Variants in BMP7 observed in about 807,000 individuals in gnomAD.
The protein encoded by BMP7 is osteogenic protein 1.
A neutral mutation model predicts 41.2 loss-of-function variants in BMP7; 12 were observed. The ratio of observed to expected loss-of-function variants is 0.29; its 90% CI spans 0.19 to 0.47. BMP7 has a LOEUF of 0.47. BMP7 is among the 20% of genes least tolerant of loss of function. The pLI is 0.99. For synonymous variants in BMP7, 248 were observed against 250.0 expected (o/e 0.99, Z 0.07); for missense variants, 467 against 606.0 (o/e 0.77, Z 2.41).
At position 57,240,347 on chromosome 20, in the gene BMP7, T is replaced by C. The variant is rs2066064040; in HGVS notation, c.419-11926A>G. 3.3e-5 allele frequency among the ~76,000 whole-genome samples: 5 copies of C among 152,354 alleles called. No homozygotes were observed. In the South Asian group the frequency reaches 1.0e-3, roughly 32 times the overall value. On this transcript the variant is annotated intron_variant, in intron 1 of 6. Transcript: ENST00000395863. Reference sequence around the variant, plus strand: ...TTTGCTCCAGTTCCCAACAAGTTCCTTATCTCTATCTGAGACCACTTCAGC... The same window carrying C: ...TTTGCTCCAGTTCCCAACAAGTTCCCTATCTCTATCTGAGACCACTTCAGC...
intron 2 of BMP7, among the ~76,000 whole-genome samples, chr20:57,210,148 C>G (rs1267043655): frequency 6.6e-6 from 1 of 152,190 alleles, no homozygotes; most frequent in Non-Finnish European, 1.5e-5. Context: ...TGGGTTCTCC[C>G]ATAGCCCTGC....
At chr20:57,221,064 C>G (rs1302896730) in intron 2 of BMP7, among the ~76,000 whole-genome samples, 1 of 152,140 alleles carries the variant, frequency 6.6e-6, no homozygotes, top group African/African-American at 2.4e-5. Flanking sequence ...TTACTGAGCA[C>G]CTACTATGTG....
At chr20:57,234,737 C>T (rs193137143) in intron 1 of BMP7, among the ~76,000 whole-genome samples, 3 of 152,350 alleles carry the variant, frequency 2.0e-5, no homozygotes, top group Admixed American at 2.0e-4. Flanking sequence ...TAAGGCATCC[C>T]CCTTGACTGA....
intron 2 of BMP7, among the ~76,000 whole-genome samples, chr20:57,209,249 TTATATATATATATATA>T (rs57062226): frequency 0.016 from 1,505 of 94,866 alleles, 55 homozygotes; most frequent in African/African-American, 0.049. Flanking sequence ...TTATATATTT[TTATATATATATATATA>T]TATATATATA....
intron 1 of BMP7, among the ~76,000 whole-genome samples, chr20:57,262,483 C>T (rs1237058805): frequency 1.3e-5 from 2 of 152,200 alleles, no homozygotes; most frequent in African/African-American, 2.4e-5. Context: ...CCTCTAGTTT[C>T]CCCTCTAGTT....
At chr20:57,200,869 A>G (rs1312938552) in intron 3 of BMP7, among the ~76,000 whole-genome samples, 1 of 152,202 alleles carries the variant, frequency 6.6e-6, no homozygotes, top group African/African-American at 2.4e-5. Context: ...AAAACGACCT[A>G]CACACCAAGG....
At chr20:57,227,909 G>T (rs2066013628) in intron 2 of BMP7, among the ~76,000 whole-genome samples, 1 of 152,034 alleles carries the variant, frequency 6.6e-6, no homozygotes, top group Admixed American at 6.5e-5. Context: ...CGGGAGAGAG[G>T]TAGCCCTTCA....
chr20:57,186,326 CAG>C lies in BMP7; in HGVS notation c.761-2409_761-2408del, dbSNP rs140020210. ...CAACAGGGTATGGGGTCCCGGAAAA[CAG>C]GGGAGGAAAATAGAGGGAGCAAACT... On this transcript the variant is annotated intron_variant, in intron 3 of 6. Transcript: ENST00000395863. Among the ~76,000 whole-genome samples, 1,385 of 152,256 alleles carry C rather than the reference CAG, an allele frequency of 9.1e-3. 22 individuals carry two copies. The highest frequency in any genetic ancestry group is 0.032 in the African/African-American group (1,316 of 41,534).
At chr20:57,192,268 G>T in intron 3 of BMP7, among the ~76,000 whole-genome samples, 1 of 126,590 alleles carries the variant, frequency 7.9e-6, no homozygotes, top group African/African-American at 3.1e-5. Context: ...AGTATATATA[G>T]TATATATACT....
At chr20:57,260,547 A>G (rs1417095948) in intron 1 of BMP7, among the ~76,000 whole-genome samples, 2 of 152,350 alleles carry the variant, frequency 1.3e-5, no homozygotes, top group East Asian at 3.9e-4. Flanking sequence ...TCCTCACCCC[A>G]TGAAGGCGAG....
chr20:57,260,847 C>A (rs554713941), intron 1 of BMP7, among the ~76,000 whole-genome samples: 1 of 152,184 alleles, frequency 6.6e-6, no homozygotes, highest in Non-Finnish European at 1.5e-5. Context: ...GCCAACAGCC[C>A]CCCCGCTAAG....
At chr20:57,263,837 G>A (rs971839120) in intron 1 of BMP7, among the ~76,000 whole-genome samples, 2 of 152,258 alleles carry the variant, frequency 1.3e-5, no homozygotes, top group Non-Finnish European at 2.9e-5. Context: ...CAGAAGTGCA[G>A]ACGACGAAAA....
At chr20:57,202,350 T>G in intron 3 of BMP7, 125 bp downstream of exon 3, 1 of 1,302,468 alleles carries the variant, frequency 7.7e-7, no homozygotes, top group Non-Finnish European at 1.1e-6. Flanking sequence ...AGGCTGAACA[T>G]GGAGTACTGG....
Position 57,170,798 on chromosome 20 carries a change from CCAT to C in BMP7, c.*158_*160del. ...CTGCCACTGAAAAACTGATCAAAAG[CCAT>C]ATGCTGCTCATGTTTCCTAATACTC... is the stretch of plus-strand genomic sequence containing the variant. On this transcript the variant is annotated 3_prime_UTR_variant, in exon 7 of 7. Transcript: ENST00000395863. The C allele has an allele frequency of 2.2e-6, 2 of 914,376 alleles. No individual in the cohort carries two copies. The highest frequency in any genetic ancestry group is 1.7e-6 in the Non-Finnish European group (1 of 589,328). 56.6% of individuals were successfully genotyped at this position (914,376 alleles called of 1,614,324 possible). A position where few individuals can be genotyped will look rare whatever the true frequency, so the allele number is the denominator to read the frequency against.
At chr20:57,240,601 G>A (rs2066064868) in intron 1 of BMP7, among the ~76,000 whole-genome samples, 1 of 150,448 alleles carries the variant, frequency 6.6e-6, no homozygotes, top group African/African-American at 2.5e-5. Context: ...TTTTCATGCT[G>A]CTGAAAAAGA....
chr20:57,200,749 C>T (rs1464657761), intron 3 of BMP7, among the ~76,000 whole-genome samples: 12 of 152,084 alleles, frequency 7.9e-5, no homozygotes, highest in African/African-American at 2.2e-4. Context: ...GAATCGAGAT[C>T]GTGCCATTGC....
At position 57,227,982 on chromosome 20, in the gene BMP7, G is replaced by A. The variant is rs1424003908; in HGVS notation, c.611+247C>T. On this transcript the variant is annotated intron_variant, in intron 2 of 6. Coordinates refer to ENST00000395863, the MANE Select transcript of BMP7 (RefSeq NM_001719.3). ...CTTAGCACCCAGCCAGATCTAGACTGCCTATAAAAACCCACAAGGCACCAC... is the reference window on the plus strand; with the variant it reads ...CTTAGCACCCAGCCAGATCTAGACTACCTATAAAAACCCACAAGGCACCAC... Among the ~76,000 whole-genome samples, 15 of 152,084 alleles carry A rather than the reference G, an allele frequency of 9.9e-5. No individual in the cohort carries two copies. The East Asian group carries it at 2.9e-3, about 29-fold the overall frequency.
At chr20:57,248,203 G>A (rs1317066484) in intron 1 of BMP7, among the ~76,000 whole-genome samples, 1 of 152,196 alleles carries the variant, frequency 6.6e-6, no homozygotes, top group African/African-American at 2.4e-5. Flanking sequence ...CACATCACAT[G>A]TACAAATAAC....
intron 4 of BMP7, among the ~76,000 whole-genome samples, chr20:57,181,853 C>G (rs6070013): frequency 6.6e-6 from 1 of 152,166 alleles, no homozygotes; most frequent in Non-Finnish European, 1.5e-5. Flanking sequence ...ACACAGAGCC[C>G]GCGTATTGGA....
Sources: gnomAD v4.1 joint callset for allele counts (sites outside exome capture counted in the v4.1 genomes callset) on GRCh38, gnomAD v4.1.1 for gene constraint, MANE v1.5 for transcripts, NCBI Gene and HGNC (gene_info 2026-07-23, HGNC 2026-07-21) for gene names.